EVC2: variants seen among roughly 807,000 people sequenced by gnomAD.
The protein encoded by EVC2 is limbin.
In EVC2, 148 loss-of-function variants were observed where a neutral mutation model predicts 149.3. That is an observed-to-expected ratio of 0.99 (90% CI 0.87 to 1.14). The LOEUF (loss-of-function observed/expected upper bound fraction) is 1.14, where lower values mean the gene tolerates loss of function less well. Ranked by LOEUF, EVC2 falls within the 50% of genes most tolerant of loss-of-function variation. The probability of loss-of-function intolerance (pLI) is 0.00; values close to 1 mark genes in which losing one functional copy is unlikely to be tolerated. For synonymous variants in EVC2, 776 were observed against 649.9 expected, an observed-to-expected ratio of 1.19 and a Z score of -2.95; for missense variants, 1,854 against 1,627.3, an observed-to-expected ratio of 1.14 and a Z score of -2.40.
chr4:5,547,484 A>G (rs1247877554), intron 21 of EVC2, among the ~76,000 whole-genome samples: 1 of 152,220 alleles, frequency 6.6e-6, no homozygotes, highest in African/African-American at 2.4e-5. Flanking sequence ...CCCACGGACC[A>G]GAGTGGGAAC....
At chr4:5,611,340 C>G (rs1352553035) in intron 16 of EVC2, among the ~76,000 whole-genome samples, 1 of 152,122 alleles carries the variant, frequency 6.6e-6, no homozygotes, top group East Asian at 1.9e-4. Flanking sequence ...TGAAGAGCAT[C>G]AGCTGTAAGA....
At chr4:5,694,254 C>T (rs143715705) in intron 3 of EVC2, 81 bp downstream of exon 3, 24 of 1,467,190 alleles carry the variant, frequency 1.6e-5, no homozygotes, top group Admixed American at 3.5e-5. Flanking sequence ...AACAAAAACC[C>T]GTGCCATTTT....
intron 1 of EVC2, among the ~76,000 whole-genome samples, chr4:5,706,357 C>CAG (rs1722154473): frequency 5.0e-4 from 2 of 4,032 alleles, no homozygotes; most frequent in African/African-American, 3.1e-3. Flanking sequence ...TAGATAGACA[C>CAG]ATAGATAGAT....
chr4:5,577,643 C>A (rs6818363), intron 17 of EVC2, among the ~76,000 whole-genome samples: 52,091 of 151,988 alleles, frequency 0.34, 9,852 homozygotes, highest in East Asian at 0.86. Flanking sequence ...TATTCAAGAA[C>A]CATGACAGAA....
At chr4:5,692,079 C>T (rs1174171787) in intron 3 of EVC2, among the ~76,000 whole-genome samples, 2 of 152,360 alleles carry the variant, frequency 1.3e-5, no homozygotes, top group Admixed American at 1.3e-4. Flanking sequence ...CACATCTTTC[C>T]CACTCTCTGC....
chr4:5,616,172 A>G (rs1219448608), intron 15 of EVC2, among the ~76,000 whole-genome samples: 2 of 152,196 alleles, frequency 1.3e-5, no homozygotes, highest in East Asian at 1.9e-4. Flanking sequence ...GGCAAATCCT[A>G]CAAGTCAGGA....
chr4:5,623,538 C>T (rs781647793), intron 13 of EVC2, among the ~76,000 whole-genome samples: 2 of 152,052 alleles, frequency 1.3e-5, no homozygotes, highest in Non-Finnish European at 2.9e-5. Context: ...TGGGGTTTCA[C>T]CATGTTGGCT....
chr4:5,581,277 T>C (rs771898155), intron 17 of EVC2, among the ~76,000 whole-genome samples: 47 of 152,172 alleles, frequency 3.1e-4, no homozygotes, highest in Middle Eastern at 6.8e-3. Context: ...CCAAAGGAGA[T>C]TGGAAGAGTG....
At chr4:5,663,414 T>C (rs1719037342) in intron 8 of EVC2, among the ~76,000 whole-genome samples, 168 bp from the exon 9 acceptor site, 1 of 152,208 alleles carries the variant, frequency 6.6e-6, no homozygotes, top group African/African-American at 2.4e-5. Context: ...CCTGAGCCTC[T>C]GTTTTCTCTG....
At chr4:5,542,589 C>T (rs1388658000), downstream of EVC2, among the ~76,000 whole-genome samples, 2 of 152,208 alleles carry the variant, frequency 1.3e-5, no homozygotes, top group Admixed American at 6.5e-5. Context: ...GTAGACTGCC[C>T]AGGTTCTAAG....
Position 5,636,008 on chromosome 4 carries a change from T to C in EVC2, c.1471-3976A>G, listed in dbSNP as rs1317056059. On this transcript the variant is annotated intron_variant, in intron 10 of 21. Transcript: ENST00000344408. This position sits in a 1 kb window ranked among gnomAD's most constrained non-coding sequence, Gnocchi z 4.6. ...AAAAATTACATTCAGTTATGAATCA[T>C]AATAAACCCTTGTCCAAGGTTGACT... Among the ~76,000 whole-genome samples, 1 of 152,252 alleles carries C rather than the reference T, an allele frequency of 6.6e-6. No individual in the cohort carries two copies. Among genetic ancestry groups the C allele is most frequent in the Non-Finnish European group, 1.5e-5 (1 of 68,054 alleles).
chr4:5,555,140 C>T (rs1721816102), intron 21 of EVC2, among the ~76,000 whole-genome samples: 1 of 150,616 alleles, frequency 6.6e-6, no homozygotes, highest in Admixed American at 6.6e-5. Context: ...AGTATAGCCA[C>T]CAAAGTCATT....
At chr4:5,668,521 G>A (rs912278265) in intron 7 of EVC2, among the ~76,000 whole-genome samples, 1 of 152,034 alleles carries the variant, frequency 6.6e-6, no homozygotes, top group Non-Finnish European at 1.5e-5. Flanking sequence ...TGCTCCCTGA[G>A]CCCTGAGTGT....
intron 16 of EVC2, among the ~76,000 whole-genome samples, chr4:5,604,690 G>C (rs1199275693): frequency 6.6e-6 from 1 of 151,692 alleles, no homozygotes; most frequent in East Asian, 1.9e-4. Context: ...TAACAAGAAG[G>C]GAGGACTTAA....
intron 7 of EVC2, among the ~76,000 whole-genome samples, chr4:5,678,149 G>A (rs955630313): frequency 6.6e-6 from 1 of 152,198 alleles, no homozygotes; most frequent in Non-Finnish European, 1.5e-5. Flanking sequence ...CTATTTTCTG[G>A]TAAGAGTGGC....
chr4:5,681,935 G>T (rs10937659), intron 6 of EVC2, among the ~76,000 whole-genome samples: 2 of 152,028 alleles, frequency 1.3e-5, no homozygotes, highest in African/African-American at 4.8e-5. Flanking sequence ...ATAGGGTGGT[G>T]GTTAGGGCCA....
chr4:5,665,386 G>T, intron 8 of EVC2, 129 bp downstream of exon 8: 2 of 1,402,372 alleles, frequency 1.4e-6, no homozygotes, highest in Non-Finnish European at 2.0e-6. Flanking sequence ...GTGGGCCCTG[G>T]GCATGGGTTT....
chr4:5,615,807 G>T (rs1715204341), intron 15 of EVC2, among the ~76,000 whole-genome samples: 1 of 152,218 alleles, frequency 6.6e-6, no homozygotes, highest in Admixed American at 6.5e-5. Context: ...CAGCTCTGCA[G>T]TCAGAGAGCA....
At position 5,696,491 on chromosome 4, in the gene EVC2, C is replaced by G. The variant is rs1014449882; in HGVS notation, c.283+1102G>C. ...GGTTCAGGGACAGGCCGGGGACCCACGCTGAGCCCAGGGGCCTGCACTGGA... is the reference window on the plus strand; with the variant it reads ...GGTTCAGGGACAGGCCGGGGACCCAGGCTGAGCCCAGGGGCCTGCACTGGA... On this transcript the variant is annotated intron_variant, in intron 2 of 21. Transcript: ENST00000344408. This position sits in a 1 kb window ranked among gnomAD's most constrained non-coding sequence, Gnocchi z 4.1. Among the ~76,000 whole-genome samples the G allele has an allele frequency of 1.3e-5, 2 of 152,178 alleles. No homozygotes were observed. The highest frequency in any genetic ancestry group is 3.9e-4 in the East Asian group (2 of 5,182).
Sources: allele counts gnomAD v4.1 joint callset (sites outside exome capture counted in the v4.1 genomes callset), GRCh38; gene constraint gnomAD v4.1.1; non-coding constraint Gnocchi (gnomAD v3.1); transcripts MANE v1.5; gene names NCBI Gene and HGNC (gene_info 2026-07-23, HGNC 2026-07-21).